The following DMD variants were observed in gnomAD, a reference collection of about 807,000 sequenced individuals.
The protein encoded by DMD is dystrophin.
A neutral mutation model predicts 330.1 loss-of-function variants in DMD; 63 were observed. The ratio of observed to expected loss-of-function variants is 0.19; its 90% CI spans 0.16 to 0.24. The LOEUF (loss-of-function observed/expected upper bound fraction) is 0.24, where lower values mean the gene tolerates loss of function less well. DMD is among the 10% of genes least tolerant of loss of function. The pLI is 1.00. For missense variants in DMD, 3,344 were observed against 2,684.1 expected (o/e 1.25, Z -5.43); for synonymous variants, 1,223 against 959.8 (o/e 1.27, Z -5.07).
chrX:33,280,008 T>A (rs1036565650), intron 1 of DMD, among the ~76,000 whole-genome samples: 2 of 78,521 alleles, frequency 2.5e-5, no homozygotes, highest in Non-Finnish European at 4.4e-5. Context: ...CTGTAGCTCG[T>A]ATTTCATTTT....
chrX:32,976,649 A>T, intron 2 of DMD, among the ~76,000 whole-genome samples: 1 of 111,798 alleles, frequency 8.9e-6, no homozygotes, highest in Middle Eastern at 4.7e-3. Flanking sequence ...CATTTTAATC[A>T]TTCATACCAC....
intron 47 of DMD, among the ~76,000 whole-genome samples, chrX:31,911,506 T>C (rs1252945436): frequency 3.6e-5 from 4 of 111,417 alleles, no homozygotes; most frequent in Non-Finnish European, 7.5e-5. Flanking sequence ...TCTCACTTTT[T>C]TTTTTTTTGC....
chrX:33,020,227 G>A, intron 1 of DMD, 27 bp from the exon 2 acceptor site: 1 of 1,024,007 alleles, frequency 9.8e-7, no homozygotes, highest in Non-Finnish European at 1.4e-6. Context: ...AAAAATAAAA[G>A]TTAGGAAGCA....
intron 1 of DMD, among the ~76,000 whole-genome samples, chrX:33,081,004 AC>A (rs758871456): frequency 7.2e-4 from 74 of 102,628 alleles, no homozygotes; most frequent in Admixed American, 2.6e-3. Context: ...ACACACACAC[AC>A]ACAAAAACAC....
intron 1 of DMD, among the ~76,000 whole-genome samples, chrX:33,198,426 A>G (rs904092141): frequency 3.6e-5 from 4 of 111,602 alleles, no homozygotes; most frequent in South Asian, 3.7e-4. Flanking sequence ...GAAAAGCAGT[A>G]TGGGAAATCA....
intron 49 of DMD, among the ~76,000 whole-genome samples, chrX:31,831,650 G>A (rs1307387524): frequency 1.8e-5 from 2 of 111,289 alleles, no homozygotes; most frequent in East Asian, 2.8e-4. Flanking sequence ...CCAGGCTGGA[G>A]TGCAGTGGCG....
At chrX:33,255,992 A>G (rs181056787) in intron 1 of DMD, among the ~76,000 whole-genome samples, 1 of 111,633 alleles carries the variant, frequency 9.0e-6, no homozygotes, top group East Asian at 2.8e-4. Context: ...TAGTATTGAC[A>G]GTCTGACCAT....
At chrX:33,173,980 C>T (rs1603385315) in intron 1 of DMD, among the ~76,000 whole-genome samples, 1 of 82,873 alleles carries the variant, frequency 1.2e-5, no homozygotes, top group African/African-American at 4.4e-5. Flanking sequence ...ATCTGGTTGT[C>T]AATAAACATC....
At chrX:31,998,835 A>G (rs969134420) in intron 44 of DMD, among the ~76,000 whole-genome samples, 1 of 112,380 alleles carries the variant, frequency 8.9e-6, no homozygotes, top group South Asian at 3.6e-4. Flanking sequence ...AATCTGTGAA[A>G]TCTTTTTATT....
At chrX:33,251,664 T>C (rs967338451) in intron 1 of DMD, among the ~76,000 whole-genome samples, 1 of 112,202 alleles carries the variant, frequency 8.9e-6, no homozygotes, top group African/African-American at 3.2e-5. Flanking sequence ...GCAGTAGATA[T>C]ATGACCAATC....
intron 44 of DMD, among the ~76,000 whole-genome samples, chrX:31,984,938 C>T (rs775490973): frequency 8.9e-6 from 1 of 111,818 alleles, no homozygotes; most frequent in Non-Finnish European, 1.9e-5. Flanking sequence ...TTTGCAGTAA[C>T]AGGTCATACT....
chrX:31,261,765 T>C (rs1446647835), intron 62 of DMD: 2 of 112,340 alleles, frequency 1.8e-5, no homozygotes, highest in Non-Finnish European at 3.7e-5. Context: ...TTGTTCCTCA[T>C]TCAATTACAT....
chrX:32,435,122 C>T (rs1273823776), intron 29 of DMD, among the ~76,000 whole-genome samples: 1 of 107,690 alleles, frequency 9.3e-6, no homozygotes, highest in African/African-American at 3.3e-5. Context: ...TCTGTCTTCA[C>T]ATTTTATTTA....
rs2092182322 is a variant in DMD at position 32,966,964 on chromosome X, T to C, written c.93+53175A>G. Among the ~76,000 whole-genome samples, 4 of 112,022 alleles carry C rather than the reference T, an allele frequency of 3.6e-5. No individual in the cohort carries two copies. In the Admixed American group the frequency reaches 3.8e-4, roughly 11 times the overall value. Reference sequence around the variant, plus strand: ...CAAAATCCTGGTATAAAGCCAACACTACCCATGATTACACAGGTTCATAAT... The same window carrying C: ...CAAAATCCTGGTATAAAGCCAACACCACCCATGATTACACAGGTTCATAAT... On this transcript the variant is annotated intron_variant, in intron 2 of 78. Coordinates refer to ENST00000357033, the MANE Select transcript of DMD (RefSeq NM_004006.3).
At chrX:33,029,960 C>G (rs541957947) in intron 1 of DMD, among the ~76,000 whole-genome samples, 1 of 111,383 alleles carries the variant, frequency 9.0e-6, no homozygotes, top group Non-Finnish European at 1.9e-5. Context: ...ACATCATACA[C>G]TCATTTCAGA....
At chrX:33,128,730 G>A in intron 1 of DMD, among the ~76,000 whole-genome samples, 1 of 111,933 alleles carries the variant, frequency 8.9e-6, no homozygotes, top group East Asian at 2.8e-4. Flanking sequence ...GAAGAGACTG[G>A]ACCTATAAAG....
intron 1 of DMD, among the ~76,000 whole-genome samples, chrX:33,106,335 C>T (rs1263232658): frequency 9.0e-6 from 1 of 110,881 alleles, no homozygotes; most frequent in Non-Finnish European, 1.9e-5. Flanking sequence ...ACAACGTACA[C>T]TACTCGGGTG....
Position 32,900,744 on chromosome X carries a change from G to GA in DMD, c.94-50925dup, listed in dbSNP as rs1282696411. Among the ~76,000 whole-genome samples the GA allele has an allele frequency of 3.6e-5, 4 of 109,974 alleles. No individual in the cohort carries two copies. In the East Asian group the frequency reaches 8.5e-4, roughly 23 times the overall value. On this transcript the variant is annotated intron_variant, in intron 2 of 78. Coordinates refer to ENST00000357033, the MANE Select transcript of DMD (RefSeq NM_004006.3). ...TCTTATATGTACATCTATAGCAAAT[G>GA]AAAAAAAAGGAATTTTCGTTGATAT... is the stretch of plus-strand genomic sequence containing the variant.
chrX:31,675,624 G>C (rs184705732), intron 53 of DMD, among the ~76,000 whole-genome samples: 222 of 111,496 alleles, frequency 2.0e-3, no homozygotes, highest in Admixed American at 5.3e-3. Context: ...GCCTCCCAAA[G>C]TGCTGGGATT....
Sources: gnomAD v4.1 joint callset for allele counts (sites outside exome capture counted in the v4.1 genomes callset) on GRCh38, gnomAD v4.1.1 for gene constraint, MANE v1.5 for transcripts, NCBI Gene and HGNC (gene_info 2026-07-23, HGNC 2026-07-21) for gene names.